APLP2: variants seen among roughly 807,000 people sequenced by gnomAD.
APLP2 encodes amyloid beta precursor like protein 2.
A neutral mutation model predicts 89.9 loss-of-function variants in APLP2; 53 were observed. The observed-to-expected ratio is 0.59, with a 90% CI of 0.47 to 0.74. The LOEUF (loss-of-function observed/expected upper bound fraction) is 0.74, where lower values mean the gene tolerates loss of function less well. Among genes scored for constraint, APLP2 ranks in the 30% least tolerant of loss-of-function variants. The pLI, the probability that APLP2 is intolerant of heterozygous loss-of-function variation, is 0.00. For synonymous variants in APLP2, 372 were observed against 348.6 expected (o/e 1.07, Z -0.75); for missense variants, 973 against 975.9 (o/e 1.00, Z 0.04).
chr11:130,094,067 T>C (rs1945851384), intron 1 of APLP2, among the ~76,000 whole-genome samples: 1 of 147,132 alleles, frequency 6.8e-6, no homozygotes, highest in East Asian at 2.0e-4. Flanking sequence ...TTTTTTTTTT[T>C]TTTGAGACGG....
In APLP2 at chr11:130,141,627, T is replaced by C; in HGVS notation, c.1998+55T>C. 1 of 1,490,182 alleles carries C rather than the reference T, an allele frequency of 6.7e-7. No homozygotes were observed. The highest frequency in any genetic ancestry group is 1.1e-5 in the South Asian group (1 of 88,076). 92.3% of individuals were successfully genotyped at this position (1,490,182 alleles called of 1,614,324 possible). On this transcript the variant is annotated intron_variant, in intron 15 of 16. Coordinates refer to ENST00000338167, the MANE Select transcript of APLP2 (RefSeq NM_001142276.2). The surrounding 1 kb of genome is among the most constrained non-coding windows in gnomAD (Gnocchi z 4.2). ...TCCTGCCAATCTTAGGTATTTCTCCTCTGGACCTTCTCAGTTCAAGTAGAA... is the reference window on the plus strand; with the variant it reads ...TCCTGCCAATCTTAGGTATTTCTCCCCTGGACCTTCTCAGTTCAAGTAGAA...
chr11:130,084,656 A>G (rs1410013171), intron 1 of APLP2, among the ~76,000 whole-genome samples: 1 of 152,178 alleles, frequency 6.6e-6, no homozygotes, highest in Non-Finnish European at 1.5e-5. Context: ...CAACATACCA[A>G]AACCCTTGGG....
intron 1 of APLP2, among the ~76,000 whole-genome samples, chr11:130,093,464 T>G (rs1239672973): frequency 6.6e-6 from 1 of 152,166 alleles, no homozygotes; most frequent in Admixed American, 6.5e-5. Context: ...TCTTGGAAAT[T>G]AGAAATGTGG....
At chr11:130,135,830 CA>C in intron 13 of APLP2, 115 bp downstream of exon 13, 1 of 1,304,650 alleles carries the variant, frequency 7.7e-7, no homozygotes, top group Non-Finnish European at 1.1e-6. Context: ...CTGCGAGAGT[CA>C]GGGGAAGGGA....
At chr11:130,137,324 T>C (rs780270311) in intron 13 of APLP2, 19 of 1,589,214 alleles carry the variant, frequency 1.2e-5, no homozygotes, top group Non-Finnish European at 1.6e-5. Context: ...CTTTAAGACC[T>C]TCATTCCTCT....
At chr11:130,127,634 C>G (rs2136009489) in intron 8 of APLP2, 132 bp from the exon 9 acceptor site, 1 of 748,152 alleles carries the variant, frequency 1.3e-6, no homozygotes, top group Non-Finnish European at 2.3e-6. Flanking sequence ...TGCTAAGCTC[C>G]TAAGAGATTG....
intron 1 of APLP2, chr11:130,070,450 G>A (rs1446481228): frequency 4.5e-6 from 2 of 447,196 alleles, no homozygotes; most frequent in Non-Finnish European, 5.9e-6. Flanking sequence ...CTCCTCTCCC[G>A]CCGGAGTCCG....
At chr11:130,113,504 G>A (rs1948832044) in intron 3 of APLP2, among the ~76,000 whole-genome samples, 1 of 152,184 alleles carries the variant, frequency 6.6e-6, no homozygotes, top group Admixed American at 6.5e-5. Flanking sequence ...AGTCGGTAGA[G>A]CTATCCATTG....
chr11:130,134,996 A>C (rs1464858006), intron 12 of APLP2, among the ~76,000 whole-genome samples: 2 of 152,174 alleles, frequency 1.3e-5, no homozygotes, highest in Non-Finnish European at 2.9e-5. Flanking sequence ...CAGTAGGTCC[A>C]GGATTCGGGC....
At chr11:130,116,165 G>A (rs1423689071) in intron 3 of APLP2, among the ~76,000 whole-genome samples, 1 of 151,880 alleles carries the variant, frequency 6.6e-6, no homozygotes, top group African/African-American at 2.4e-5. Context: ...TAAAAGATAA[G>A]GTTGGGAGAA....
chr11:130,121,775 GGAAGAT>G lies in APLP2; in HGVS notation c.684_689del (p.Asp228_Glu229del), dbSNP rs769948788. 27 of 1,468,754 alleles carry G rather than the reference GGAAGAT, an allele frequency of 1.8e-5. No homozygotes were observed. Among genetic ancestry groups the G allele is most frequent in the Middle Eastern group, 3.7e-4 (2 of 5,346 alleles). 91.0% of individuals were successfully genotyped at this position (1,468,754 alleles called of 1,614,324 possible). A position where few individuals can be genotyped will look rare whatever the true frequency, so the allele number is the denominator to read the frequency against. ...AGGAAGATGAAGAGGAAGAGGAAGA[GGAAGAT>G]GAAGAGGAAGACTATGATGTTTATA... On this transcript the variant is annotated inframe_deletion, in exon 5 of 17. Coordinates refer to ENST00000338167, the MANE Select transcript of APLP2 (RefSeq NM_001142276.2).
In APLP2 at chr11:130,123,496, C is replaced by A; in HGVS notation, c.923-116C>A. Reference sequence around the variant, plus strand: ...AGCTTTCGGCCACCGGGCCTCCAGGCTCCGTCCAGTCTCAGGCCTCCCCCA... The same window carrying A: ...AGCTTTCGGCCACCGGGCCTCCAGGATCCGTCCAGTCTCAGGCCTCCCCCA... On this transcript the variant is annotated intron_variant, in intron 6 of 16. Transcript: ENST00000338167. The surrounding 1 kb of genome is among the most constrained non-coding windows in gnomAD (Gnocchi z 4.0). 1.7e-6 allele frequency: 2 copies of A among 1,154,668 alleles called. No individual in the cohort carries two copies. Among genetic ancestry groups the A allele is most frequent in the Non-Finnish European group, 2.4e-6 (2 of 832,284 alleles). 71.5% of individuals were successfully genotyped at this position (1,154,668 alleles called of 1,614,324 possible).
At position 130,123,867 on chromosome 11, in the gene APLP2, G is replaced by A; in HGVS notation, c.1090+88G>A. The A allele has an allele frequency of 2.1e-6, 3 of 1,453,376 alleles. No individual in the cohort carries two copies. The highest frequency in any genetic ancestry group is 2.5e-5 in the South Asian group (2 of 79,784). The allele number at this position is 1,453,376 out of a possible 1,614,324, so 90.0% of individuals were successfully genotyped here. On this transcript the variant is annotated intron_variant, in intron 7 of 16. Transcript: ENST00000338167. The surrounding 1 kb of genome is among the most constrained non-coding windows in gnomAD (Gnocchi z 4.0). ...GCCGTCTTCGTGGCTGCATCTGTGT[G>A]GTGTCCCTGCCCACTCGGGTGTTTG...
chr11:130,130,489 T>A (rs1228223700), intron 11 of APLP2, among the ~76,000 whole-genome samples: 3 of 152,240 alleles, frequency 2.0e-5, no homozygotes, highest in Non-Finnish European at 4.4e-5. Flanking sequence ...AAGCAGATCT[T>A]AAAAATTGGT....
At chr11:130,106,062 C>T (rs1340699237) in intron 1 of APLP2, among the ~76,000 whole-genome samples, 7 of 152,170 alleles carry the variant, frequency 4.6e-5, no homozygotes, top group Non-Finnish European at 7.3e-5. Context: ...TGTTACTTCT[C>T]AGCTATAGCT....
At chr11:130,070,786 G>C in intron 1 of APLP2, 4 of 1,351,084 alleles carry the variant, frequency 3.0e-6, no homozygotes, top group Non-Finnish European at 3.8e-6. Flanking sequence ...AGTGAGTAGG[G>C]AAGGTGCCCG....
At chr11:130,131,962 C>T (rs1950978635) in intron 11 of APLP2, among the ~76,000 whole-genome samples, 1 of 152,150 alleles carries the variant, frequency 6.6e-6, no homozygotes, top group Admixed American at 6.5e-5. Flanking sequence ...TATCTAAACA[C>T]CAGAAAAATT....
intron 1 of APLP2, among the ~76,000 whole-genome samples, chr11:130,092,944 T>G (rs1454552147): frequency 2.0e-5 from 3 of 152,044 alleles, no homozygotes; most frequent in South Asian, 2.1e-4. Context: ...ATCTGAGAGA[T>G]AGAAAGCACC....
chr11:130,070,427 C>A, intron 1 of APLP2: 2 of 672,810 alleles, frequency 3.0e-6, no homozygotes, highest in Non-Finnish European at 2.0e-6. Flanking sequence ...TCCCCCGGGA[C>A]AATGCCAGGG....
Sources: gnomAD v4.1 joint callset for allele counts (sites outside exome capture counted in the v4.1 genomes callset) on GRCh38, gnomAD v4.1.1 for gene constraint, Gnocchi (gnomAD v3.1) non-coding constraint, MANE v1.5 for transcripts, NCBI Gene and HGNC (gene_info 2026-07-23, HGNC 2026-07-21) for gene names.